Variants in DAPP1 observed in about 807,000 individuals in gnomAD.
DAPP1 encodes dual adapter for phosphotyrosine and 3-phosphotyrosine and 3-phosphoinositide.
DAPP1 carries 20 observed loss-of-function variants against 41.5 expected under a neutral mutation model. The ratio of observed to expected loss-of-function variants is 0.48; its 90% confidence interval spans 0.34 to 0.70. The LOEUF is 0.70. DAPP1 is among the 30% of genes least tolerant of loss of function. DAPP1 has a pLI of 0.01. For missense variants in DAPP1, 233 were observed against 333.4 expected, an observed-to-expected ratio of 0.70 and a Z score of 2.35; for synonymous variants, 113 against 116.2, an observed-to-expected ratio of 0.97 and a Z score of 0.18.
intron 2 of DAPP1, among the ~76,000 whole-genome samples, chr4:99,837,432 G>T (rs986958905): frequency 2.0e-5 from 3 of 152,094 alleles, no homozygotes; most frequent in African/African-American, 7.2e-5. Flanking sequence ...GTAAGTAGGG[G>T]TCACAGAGGA....
chr4:99,854,612 C>G (rs1030461353), intron 4 of DAPP1, among the ~76,000 whole-genome samples: 19 of 150,248 alleles, frequency 1.3e-4, no homozygotes, highest in Middle Eastern at 3.4e-3. Context: ...GTCTTCATCT[C>G]ATGCTACTCC....
At position 99,869,036 on chromosome 4, in the gene DAPP1, T is replaced by C. The variant is rs1346130681; in HGVS notation, c.*851T>C. On this transcript the variant is annotated 3_prime_UTR_variant, in exon 9 of 9. Transcript: ENST00000512369. ...ACTTGTAAGCACTAAGTTATCTTTA[T>C]CCAACATTTCTCCAAATGGACTGAA... 1.3e-5 allele frequency: 2 copies of C among 152,228 alleles called. No individual in the cohort carries two copies. Among genetic ancestry groups the C allele is most frequent in the Non-Finnish European group, 2.9e-5 (2 of 68,036 alleles). The allele number at this position is 152,228 out of a possible 1,614,324, so 9.4% of individuals were successfully genotyped here. A position where few individuals can be genotyped will look rare whatever the true frequency, so the allele number is the denominator to read the frequency against.
intron 4 of DAPP1, among the ~76,000 whole-genome samples, chr4:99,857,200 A>T (rs1724074078): frequency 6.6e-6 from 1 of 152,184 alleles, no homozygotes; most frequent in Admixed American, 6.5e-5. Context: ...GAGCTTGTTT[A>T]AAAAAATTCT....
intron 7 of DAPP1, 82 bp from the exon 8 acceptor site, chr4:99,865,952 T>TGA (rs1317141928): frequency 1.6e-5 from 1 of 62,562 alleles, no homozygotes; most frequent in Admixed American, 2.1e-4. Context: ...ATATTATATA[T>TGA]TATATTATAT....
intron 1 of DAPP1, among the ~76,000 whole-genome samples, chr4:99,827,239 C>G (rs1722963922): frequency 6.6e-6 from 1 of 152,022 alleles, no homozygotes; most frequent in Non-Finnish European, 1.5e-5. Context: ...CTTATTGCAC[C>G]TGATTTTAAA....
intron 1 of DAPP1, among the ~76,000 whole-genome samples, chr4:99,829,620 C>T (rs570427148): frequency 2.0e-5 from 3 of 152,052 alleles, no homozygotes; most frequent in African/African-American, 4.8e-5. Flanking sequence ...CCTGAGGGAA[C>T]GACCAGAGAC....
intron 3 of DAPP1, among the ~76,000 whole-genome samples, chr4:99,847,007 G>A (rs76501026): frequency 0.011 from 1,668 of 152,334 alleles, 39 homozygotes; most frequent in African/African-American, 0.037. Flanking sequence ...CATTATGCCA[G>A]TTGCAGAGCT....
chr4:99,862,368 A>T (rs761284501), intron 5 of DAPP1, among the ~76,000 whole-genome samples: 4 of 152,142 alleles, frequency 2.6e-5, no homozygotes, highest in Non-Finnish European at 4.4e-5. Context: ...ATAGAGTAGG[A>T]TGCTGTTTGT....
chr4:99,842,811 G>A (rs1470180793), intron 3 of DAPP1, among the ~76,000 whole-genome samples: 1 of 151,380 alleles, frequency 6.6e-6, no homozygotes, highest in African/African-American at 2.4e-5. Context: ...TCAGGCTAAC[G>A]ATTTCATGTT....
Position 99,816,855 on chromosome 4 carries a change from GAGA to G in DAPP1, c.-56_-54del, listed in dbSNP as rs1722601117. The stretch of plus-strand genomic sequence containing the variant: ...ATAGCAGGCTGCTGTCTCACAGAGC[GAGA>G]AGGTGTCAGGAGCAGCCCAGTTGTG... On this transcript the variant is annotated 5_prime_UTR_variant, in exon 1 of 9. Coordinates refer to ENST00000512369, the MANE Select transcript of DAPP1 (RefSeq NM_014395.3). 1 of 1,450,364 alleles carries G rather than the reference GAGA, an allele frequency of 6.9e-7. No homozygotes were observed. Among genetic ancestry groups the G allele is most frequent in the East Asian group, 2.5e-5 (1 of 39,928 alleles). 89.8% of individuals were successfully genotyped at this position (1,450,364 alleles called of 1,614,324 possible). A position where few individuals can be genotyped will look rare whatever the true frequency, so the allele number is the denominator to read the frequency against.
At chr4:99,856,303 G>A (rs1356987148) in intron 4 of DAPP1, among the ~76,000 whole-genome samples, 1 of 152,152 alleles carries the variant, frequency 6.6e-6, no homozygotes. Context: ...GGAAGCAAGG[G>A]AGGCCTCTGT....
At position 99,869,786 on chromosome 4, in the gene DAPP1, T is replaced by G. The variant is rs1385163703; in HGVS notation, c.*1601T>G. On this transcript the variant is annotated 3_prime_UTR_variant, in exon 9 of 9. Transcript: ENST00000512369. ...CTTTACTAAAAATACAAAAATTAGC[T>G]GGGCATGGTGGCAGGCGCCTGTAAT... 1.3e-5 allele frequency: 2 copies of G among 152,096 alleles called. No homozygotes were observed. Among genetic ancestry groups the G allele is most frequent in the Non-Finnish European group, 2.9e-5 (2 of 68,024 alleles). The allele number at this position is 152,096 out of a possible 1,614,324, so 9.4% of individuals were successfully genotyped here.
At position 99,868,103 on chromosome 4, in the gene DAPP1, G is replaced by C; in HGVS notation, c.775-14G>C. ...CACTCAATAATGGATACACGTGTGT[G>C]TACTTTATTACAGTCACAAATAAGA... On this transcript the variant is annotated splice_polypyrimidine_tract_variant and intron_variant, in intron 8 of 8. Transcript: ENST00000512369. 6.2e-7 allele frequency: 1 copy of C among 1,610,364 alleles called. No individual in the cohort carries two copies. Among genetic ancestry groups the C allele is most frequent in the Non-Finnish European group, 8.5e-7 (1 of 1,176,654 alleles).
chr4:99,859,682 C>T (rs889516162), intron 4 of DAPP1, among the ~76,000 whole-genome samples: 4 of 152,168 alleles, frequency 2.6e-5, no homozygotes, highest in African/African-American at 9.7e-5. Context: ...TACCCCGACA[C>T]TCCAACCACC....
At chr4:99,824,790 T>G (rs2110134735) in intron 1 of DAPP1, among the ~76,000 whole-genome samples, 1 of 152,292 alleles carries the variant, frequency 6.6e-6, no homozygotes, top group Admixed American at 6.5e-5. Flanking sequence ...GCCTAGTCAT[T>G]CTAGGCCTTT....
intron 3 of DAPP1, among the ~76,000 whole-genome samples, chr4:99,852,176 T>G (rs1287637082): frequency 9.9e-5 from 15 of 152,232 alleles, no homozygotes; most frequent in Admixed American, 9.8e-4. Context: ...CTTTGTGTGC[T>G]ATTGCATTCC....
At chr4:99,840,011 T>G (rs554315114) in intron 2 of DAPP1, among the ~76,000 whole-genome samples, 1,672 of 152,240 alleles carry the variant, frequency 0.011, 40 homozygotes, top group African/African-American at 0.037. Context: ...GCAGTGAGCC[T>G]AGATCATGCC....
At chr4:99,827,820 G>A (rs987980012) in intron 1 of DAPP1, among the ~76,000 whole-genome samples, 6 of 152,084 alleles carry the variant, frequency 3.9e-5, no homozygotes, top group African/African-American at 1.4e-4. Context: ...TGGGTGATAA[G>A]GTCCCTGGAT....
chr4:99,840,516 T>TTC, intron 3 of DAPP1, 94 bp downstream of exon 3: 1 of 1,380,674 alleles, frequency 7.2e-7, no homozygotes, highest in Non-Finnish European at 9.9e-7. Context: ...ATTGTTGTCA[T>TTC]TTATATTTCA....
Sources: allele counts gnomAD v4.1 joint callset (sites outside exome capture counted in the v4.1 genomes callset), GRCh38; gene constraint gnomAD v4.1.1; transcripts MANE v1.5; gene names NCBI Gene and HGNC (gene_info 2026-07-23, HGNC 2026-07-21).